LCLAT1: variants seen among roughly 807,000 people sequenced by gnomAD.
LCLAT1 encodes the protein lysocardiolipin acyltransferase 1, also known as 1-AGP acyltransferase 8.
A neutral mutation model predicts 30.7 loss-of-function variants in LCLAT1; 11 were observed. The ratio of observed to expected loss-of-function variants is 0.36; its 90% CI spans 0.23 to 0.59. The LOEUF (loss-of-function observed/expected upper bound fraction) is 0.59. Ranked by LOEUF, LCLAT1 falls within the 20% of genes least tolerant of loss-of-function variation. The pLI is 0.77. For synonymous variants in LCLAT1, 155 were observed against 151.3 expected, an observed-to-expected ratio of 1.02 and a Z score of -0.18; for missense variants, 402 against 458.6, an observed-to-expected ratio of 0.88 and a Z score of 1.13.
At chr2:30,512,973 C>T (rs555762608) in intron 1 of LCLAT1, among the ~76,000 whole-genome samples, 78 of 152,188 alleles carry the variant, frequency 5.1e-4, no homozygotes, top group East Asian at 2.5e-3. Context: ...TAAAAATGCA[C>T]ATTTCTGTCT....
At chr2:30,508,787 T>A (rs564487297) in intron 1 of LCLAT1, among the ~76,000 whole-genome samples, 1 of 152,212 alleles carries the variant, frequency 6.6e-6, no homozygotes, top group East Asian at 1.9e-4. Context: ...AAATAGTTTT[T>A]TTCTAGTTCT....
chr2:30,606,247 C>T, intron 5 of LCLAT1: 1 of 319,230 alleles, frequency 3.1e-6, no homozygotes, highest in Non-Finnish European at 6.2e-6. Context: ...TCTTAAAATT[C>T]ATATGGAACC....
At chr2:30,621,432 C>T (rs970775767) in intron 5 of LCLAT1, among the ~76,000 whole-genome samples, 4 of 152,084 alleles carry the variant, frequency 2.6e-5, no homozygotes, top group South Asian at 2.1e-4. Context: ...GAAAAAATGG[C>T]GGGTAGGAGG....
rs984074785 is a variant in LCLAT1, at chr2:30,539,516, T to C, written c.364+6202T>C. On this transcript the variant is annotated intron_variant, in intron 3 of 5. Coordinates refer to ENST00000379509, the MANE Select transcript of LCLAT1 (RefSeq NM_001002257.3). ...CTCTTTTAATGTTATATATACTGTT[T>C]TAACAGGCTTGGCTGGTCTATCTTC... is the stretch of plus-strand genomic sequence containing the variant. Among the ~76,000 whole-genome samples, 5 of 152,162 alleles carry C rather than the reference T, an allele frequency of 3.3e-5. No homozygotes were observed. In the South Asian group the frequency reaches 1.0e-3, roughly 32 times the overall value.
At chr2:30,513,843 C>A (rs983588918) in intron 1 of LCLAT1, among the ~76,000 whole-genome samples, 1 of 152,216 alleles carries the variant, frequency 6.6e-6, no homozygotes, top group African/African-American at 2.4e-5. Context: ...GTTGTCCCGC[C>A]TTTCCAGATA....
intron 3 of LCLAT1, among the ~76,000 whole-genome samples, chr2:30,545,105 A>G (rs923970468): frequency 1.3e-5 from 2 of 152,202 alleles, no homozygotes; most frequent in African/African-American, 4.8e-5. Context: ...AAAAGATTTT[A>G]GAACCTCGAA....
At chr2:30,461,516 C>T (rs1005293103) in intron 1 of LCLAT1, among the ~76,000 whole-genome samples, 14 of 152,140 alleles carry the variant, frequency 9.2e-5, no homozygotes, top group African/African-American at 3.4e-4. Flanking sequence ...CTGCCTCAGC[C>T]TCCTGAGTGG....
At chr2:30,575,272 A>G (rs1246477258) in intron 5 of LCLAT1, among the ~76,000 whole-genome samples, 1 of 151,288 alleles carries the variant, frequency 6.6e-6, no homozygotes, top group African/African-American at 2.4e-5. Context: ...TTTTTTGTCC[A>G]TCTCTCTCAT....
At chr2:30,452,507 C>T (rs1681606830) in intron 1 of LCLAT1, among the ~76,000 whole-genome samples, 1 of 152,116 alleles carries the variant, frequency 6.6e-6, no homozygotes, top group Non-Finnish European at 1.5e-5. Flanking sequence ...AAGCACTCCA[C>T]ATATTCATTA....
chr2:30,640,763 T>C lies in LCLAT1; in HGVS notation c.*144T>C. The C allele has an allele frequency of 9.5e-7, 1 of 1,058,070 alleles. No individual in the cohort carries two copies. The highest frequency in any genetic ancestry group is 1.3e-6 in the Non-Finnish European group (1 of 756,044). The allele number at this position is 1,058,070 out of a possible 1,614,324, so 65.5% of individuals were successfully genotyped here. A position where few individuals can be genotyped will look rare whatever the true frequency, so the allele number is the denominator to read the frequency against. ...TGTTAAAGATATTTTGCACTTAATT[T>C]TGTGGGAAAAATATTGCTACAATTT... On this transcript the variant is annotated 3_prime_UTR_variant, in exon 6 of 6. Coordinates refer to ENST00000379509, the MANE Select transcript of LCLAT1 (RefSeq NM_001002257.3).
intron 5 of LCLAT1, among the ~76,000 whole-genome samples, chr2:30,569,719 GATTTAAAGAAAGGTTCACAATCA>G (rs1287293133): frequency 1.3e-5 from 2 of 152,184 alleles, no homozygotes; most frequent in East Asian, 3.8e-4. Flanking sequence ...AAGTACCCAT[GATTTAAAGAAAGGTTCACAATCA>G]ATTCAAAATC....
At chr2:30,484,627 T>C (rs72856612) in intron 1 of LCLAT1, among the ~76,000 whole-genome samples, 3,669 of 152,250 alleles carry the variant, frequency 0.024, 132 homozygotes, top group African/African-American at 0.082. Flanking sequence ...TAGTTTCTGT[T>C]TCTTTGTCCA....
chr2:30,519,468 A>G (rs773001637), intron 1 of LCLAT1, among the ~76,000 whole-genome samples: 8 of 152,036 alleles, frequency 5.3e-5, no homozygotes, highest in Non-Finnish European at 1.2e-4. Context: ...AACCTCCCCA[A>G]CAGCACTTGG....
At chr2:30,614,146 G>A (rs1340062382) in intron 5 of LCLAT1, among the ~76,000 whole-genome samples, 4 of 51,728 alleles carry the variant, frequency 7.7e-5, no homozygotes, top group African/African-American at 2.4e-4. Context: ...GCGGCCTTCC[G>A]CAGTTTTTGT....
At chr2:30,486,236 G>C (rs1683551548) in intron 1 of LCLAT1, among the ~76,000 whole-genome samples, 1 of 152,026 alleles carries the variant, frequency 6.6e-6, no homozygotes, top group South Asian at 2.1e-4. Flanking sequence ...AGCCTTAACT[G>C]ACCTGTTAAA....
intron 1 of LCLAT1, among the ~76,000 whole-genome samples, chr2:30,493,181 T>C (rs1024086787): frequency 8.5e-5 from 13 of 152,168 alleles, no homozygotes; most frequent in African/African-American, 2.4e-4. Context: ...AAGATTGAAA[T>C]GGTTGTGAGC....
At chr2:30,638,267 T>A (rs1041342333) in intron 5 of LCLAT1, among the ~76,000 whole-genome samples, 1 of 152,210 alleles carries the variant, frequency 6.6e-6, no homozygotes, top group African/African-American at 2.4e-5. Context: ...GGTGGGGGAA[T>A]TGCTTCCTAT....
At chr2:30,536,662 T>A (rs916799500) in intron 3 of LCLAT1, among the ~76,000 whole-genome samples, 1 of 152,180 alleles carries the variant, frequency 6.6e-6, no homozygotes, top group East Asian at 1.9e-4. Flanking sequence ...AAAAGTGATA[T>A]CTAAGCATTA....
intron 1 of LCLAT1, among the ~76,000 whole-genome samples, chr2:30,499,009 G>A (rs1684240862): frequency 6.6e-6 from 1 of 152,052 alleles, no homozygotes; most frequent in Non-Finnish European, 1.5e-5. Flanking sequence ...TTAGCAGTAA[G>A]GAAAATAAAC....
Sources: allele counts gnomAD v4.1 joint callset (sites outside exome capture counted in the v4.1 genomes callset), GRCh38; gene constraint gnomAD v4.1.1; transcripts MANE v1.5; gene names NCBI Gene and HGNC (gene_info 2026-07-23, HGNC 2026-07-21).